GPHN: variants seen among roughly 807,000 people sequenced by gnomAD.
GPHN encodes the protein gephyrin.
A neutral mutation model predicts 95.5 loss-of-function variants in GPHN; 17 were observed. The ratio of observed to expected loss-of-function variants is 0.18; its 90% confidence interval spans 0.12 to 0.27. The LOEUF is 0.27. GPHN is among the 10% of genes least tolerant of loss of function. The probability of loss-of-function intolerance (pLI) is 1.00; values close to 1 mark genes in which losing one functional copy is unlikely to be tolerated. For missense variants in GPHN, 660 were observed against 978.1 expected (o/e 0.67, Z 4.34); for synonymous variants, 320 against 322.5 (o/e 0.99, Z 0.08).
At chr14:67,313,479 G>GT in the GPHN span, among the ~76,000 whole-genome samples, 1 of 152,132 alleles carries the variant, frequency 6.6e-6, no homozygotes, top group Non-Finnish European at 1.5e-5. Flanking sequence ...TTGTTATGCA[G>GT]TGCATGACTG....
At chr14:67,327,124 G>A in the GPHN span, among the ~76,000 whole-genome samples, 221 of 152,210 alleles carry the variant, frequency 1.5e-3, 1 homozygote, top group African/African-American at 4.8e-3. Flanking sequence ...GCAGTGAACC[G>A]GGATTGCGCC....
chr14:67,359,774 GTGTC>G, the GPHN span: 1 of 1,551,402 alleles, frequency 6.4e-7, no homozygotes, highest in East Asian at 2.2e-5. Context: ...GGCCTCCACA[GTGTC>G]TTCCTCTACG....
At chr14:67,606,267 G>A in the GPHN span, among the ~76,000 whole-genome samples, 2 of 152,146 alleles carry the variant, frequency 1.3e-5, no homozygotes, top group African/African-American at 4.8e-5. Context: ...TTTTCATGGA[G>A]TCACTTCTCC....
chr14:66,980,572 G>A (rs1020432543), intron 9 of GPHN, among the ~76,000 whole-genome samples: 22 of 151,946 alleles, frequency 1.4e-4, no homozygotes, highest in African/African-American at 5.3e-4. Context: ...TAGTGAACAG[G>A]AAATAATTTA....
the GPHN span, among the ~76,000 whole-genome samples, chr14:67,299,837 C>T: frequency 6.6e-6 from 1 of 152,160 alleles, no homozygotes; most frequent in Admixed American, 6.5e-5. Context: ...TGAGCTGACT[C>T]AGTGTATTTT....
At chr14:66,684,319 G>A (rs1016648220) in intron 2 of GPHN, among the ~76,000 whole-genome samples, 2 of 152,154 alleles carry the variant, frequency 1.3e-5, no homozygotes, top group Non-Finnish European at 2.9e-5. Context: ...GATACTCAGA[G>A]TAGTGTATTA....
intron 1 of GPHN, among the ~76,000 whole-genome samples, chr14:66,584,045 A>T (rs936334436): frequency 1.8e-4 from 27 of 152,016 alleles, no homozygotes; most frequent in Admixed American, 5.9e-4. Context: ...ATTTGTTTGT[A>T]ACCTCTTTTA....
chr14:66,788,013 T>A (rs566027428), intron 3 of GPHN, among the ~76,000 whole-genome samples: 4 of 152,176 alleles, frequency 2.6e-5, no homozygotes, highest in African/African-American at 9.6e-5. Context: ...CATAAAAAAA[T>A]TTTGTTCTGT....
intron 4 of GPHN, among the ~76,000 whole-genome samples, chr14:66,845,380 A>G (rs2062274919): frequency 6.6e-6 from 1 of 152,210 alleles, no homozygotes; most frequent in African/African-American, 2.4e-5. Flanking sequence ...GAAAGGCTAC[A>G]GAAGGCCAAA....
chr14:67,389,260 C>T, the GPHN span, among the ~76,000 whole-genome samples: 3 of 151,806 alleles, frequency 2.0e-5, no homozygotes, highest in Non-Finnish European at 2.9e-5. Context: ...TAAATGCCAA[C>T]GGGAGGAAAG....
At chr14:66,540,025 C>A (rs2059297150) in intron 1 of GPHN, among the ~76,000 whole-genome samples, 1 of 152,198 alleles carries the variant, frequency 6.6e-6, no homozygotes. Flanking sequence ...AAGTAATACA[C>A]AATGTATTGT....
rs554687508 is a variant in GPHN, at chr14:66,823,744, C to A, written c.202-730C>A. Among the ~76,000 whole-genome samples the A allele has an allele frequency of 2.6e-5, 4 of 151,924 alleles. No individual in the cohort carries two copies. In the East Asian group the frequency reaches 7.7e-4, roughly 29 times the overall value. On this transcript the variant is annotated intron_variant, in intron 3 of 22. Transcript: ENST00000478722. ...TGATGAATTTGAGAATTGTGGGGAC[C>A]GTATTGTACATCTCGGTATCAGCCT...
At chr14:66,602,894 G>A (rs1438475820) in intron 1 of GPHN, among the ~76,000 whole-genome samples, 2 of 151,846 alleles carry the variant, frequency 1.3e-5, no homozygotes, top group African/African-American at 4.8e-5. Context: ...TTTGAAATAA[G>A]AGTTATAAAT....
At chr14:67,193,118 C>CTCTATATATCTCTATATAGACATCTA in the GPHN span, among the ~76,000 whole-genome samples, 1 of 138,314 alleles carries the variant, frequency 7.2e-6, no homozygotes, top group African/African-American at 2.6e-5. Flanking sequence ...ATAGATATCT[C>CTCTATATATCTCTATATAGACATCTA]TCTATATATC....
the GPHN span, among the ~76,000 whole-genome samples, chr14:67,423,641 A>T: frequency 6.6e-6 from 1 of 152,234 alleles, no homozygotes; most frequent in Non-Finnish European, 1.5e-5. Flanking sequence ...ACCTTGGCAC[A>T]GTCTGGAGAG....
the GPHN span, chr14:67,353,189 G>A: frequency 1.6e-6 from 1 of 617,838 alleles, no homozygotes; most frequent in Non-Finnish European, 2.8e-6. Context: ...AGGTTTAACT[G>A]ATGCTATGGT....
At chr14:66,642,563 T>TTTG (rs1326236761) in intron 1 of GPHN, among the ~76,000 whole-genome samples, 6 of 151,746 alleles carry the variant, frequency 4.0e-5, no homozygotes, top group South Asian at 4.2e-4. Context: ...ATTTTTGTTT[T>TTTG]TTTTTTTTTT....
the GPHN span, among the ~76,000 whole-genome samples, chr14:67,443,261 G>A: frequency 6.6e-6 from 1 of 151,944 alleles, no homozygotes; most frequent in African/African-American, 2.4e-5. Context: ...TGTACATTGT[G>A]ACCCCCAAAT....
intron 8 of GPHN, among the ~76,000 whole-genome samples, chr14:66,959,867 G>T (rs79919097): frequency 1.3e-5 from 2 of 151,798 alleles, no homozygotes; most frequent in Non-Finnish European, 2.9e-5. Context: ...TCATATCTCA[G>T]TGTGTTTGAT....
Sources: gnomAD v4.1 joint callset for allele counts (sites outside exome capture counted in the v4.1 genomes callset) on GRCh38, gnomAD v4.1.1 for gene constraint, MANE v1.5 for transcripts, NCBI Gene and HGNC (gene_info 2026-07-23, HGNC 2026-07-21) for gene names.